The following LRRC4C variants were observed in gnomAD, a reference collection of about 807,000 sequenced individuals.
LRRC4C encodes the protein leucine-rich repeat-containing protein 4C.
LRRC4C carries 5 observed loss-of-function variants against 33.6 expected under a neutral mutation model. That is an observed-to-expected ratio of 0.15 (90% confidence interval 0.08 to 0.31). The LOEUF (loss-of-function observed/expected upper bound fraction) is 0.31. Among genes scored for constraint, LRRC4C ranks in the 10% least tolerant of loss-of-function variants. The pLI is 1.00. For synonymous variants in LRRC4C, 329 were observed against 302.0 expected, an observed-to-expected ratio of 1.09 and a Z score of -0.93; for missense variants, 560 against 796.7, an observed-to-expected ratio of 0.70 and a Z score of 3.58.
rs144766359 is a variant in LRRC4C at position 41,348,084 on chromosome 11, T to C, written c.-496+111347A>G. 2.3e-3 allele frequency among the ~76,000 whole-genome samples: 345 copies of C among 152,320 alleles called. 1 individual carries two copies. Among genetic ancestry groups the C allele is most frequent in the African/African-American group, 6.9e-3 (285 of 41,578 alleles). Reference sequence around the variant, plus strand: ...TCTTCCCTAATGACAGAACGAAAACTGTAACTCTTATCTCTCTTGAATTTC... The same window carrying C: ...TCTTCCCTAATGACAGAACGAAAACCGTAACTCTTATCTCTCTTGAATTTC... On this transcript the variant is annotated intron_variant, in intron 1 of 6. Coordinates refer to ENST00000528697, the MANE Select transcript of LRRC4C (RefSeq NM_001258419.2).
At chr11:40,385,780 T>A (rs1213198809) in intron 3 of LRRC4C, among the ~76,000 whole-genome samples, 1 of 151,630 alleles carries the variant, frequency 6.6e-6, no homozygotes, top group African/African-American at 2.4e-5. Context: ...GGCAGGAGAA[T>A]CACTTGAACA....
intron 3 of LRRC4C, among the ~76,000 whole-genome samples, chr11:40,482,408 T>A (rs1953622037): frequency 1.3e-5 from 2 of 152,144 alleles, no homozygotes; most frequent in African/African-American, 2.4e-5. Context: ...TTTCTCCTAC[T>A]GTAGAAATCA....
chr11:40,981,884 C>T (rs1055881459), intron 1 of LRRC4C, among the ~76,000 whole-genome samples: 2 of 152,126 alleles, frequency 1.3e-5, no homozygotes, highest in Non-Finnish European at 2.9e-5. Context: ...AATACAAGTC[C>T]TTCAACTTGG....
chr11:40,652,894 C>A (rs980470853), intron 2 of LRRC4C, among the ~76,000 whole-genome samples: 3 of 152,108 alleles, frequency 2.0e-5, no homozygotes, highest in African/African-American at 7.2e-5. Flanking sequence ...AGAGTGGGAC[C>A]AGGTGGAGGT....
intron 1 of LRRC4C, among the ~76,000 whole-genome samples, chr11:41,037,602 ACG>A (rs1383371571): frequency 2.7e-5 from 4 of 149,270 alleles, no homozygotes; most frequent in South Asian, 2.1e-4. Flanking sequence ...ACACACACAC[ACG>A]CACTAAGACA....
At chr11:41,229,098 C>A (rs1184013334) in intron 1 of LRRC4C, among the ~76,000 whole-genome samples, 1 of 151,934 alleles carries the variant, frequency 6.6e-6, no homozygotes, top group Non-Finnish European at 1.5e-5. Context: ...CTTAAGTCAC[C>A]TTCATGGGGG....
chr11:41,294,449 T>A (rs2137031151), intron 1 of LRRC4C, among the ~76,000 whole-genome samples: 1 of 152,258 alleles, frequency 6.6e-6, no homozygotes, highest in South Asian at 2.1e-4. Context: ...TTCCTCAACC[T>A]TAGGAAAGCA....
At chr11:40,877,324 A>C (rs1954952012) in intron 2 of LRRC4C, among the ~76,000 whole-genome samples, 1 of 152,178 alleles carries the variant, frequency 6.6e-6, no homozygotes, top group Admixed American at 6.5e-5. Context: ...AGACTTAAAT[A>C]GTTCTGCAGC....
At chr11:40,615,602 T>C (rs1961725790) in intron 3 of LRRC4C, among the ~76,000 whole-genome samples, 1 of 151,688 alleles carries the variant, frequency 6.6e-6, no homozygotes, top group Non-Finnish European at 1.5e-5. Context: ...TGAAGTGTTC[T>C]CACAGCATTA....
intron 1 of LRRC4C, among the ~76,000 whole-genome samples, chr11:41,075,313 T>C (rs1456504695): frequency 1.3e-5 from 2 of 152,014 alleles, no homozygotes; most frequent in Admixed American, 6.6e-5. Flanking sequence ...CTATTTTAAT[T>C]CCCAGATAAA....
At chr11:41,101,375 T>C (rs186034180) in intron 1 of LRRC4C, among the ~76,000 whole-genome samples, 1 of 152,146 alleles carries the variant, frequency 6.6e-6, no homozygotes, top group Admixed American at 6.6e-5. Context: ...GATATACATG[T>C]GGGCAACAAG....
intron 2 of LRRC4C, among the ~76,000 whole-genome samples, chr11:40,665,325 AATATATAT>A (rs1160594156): frequency 1.8e-3 from 24 of 13,438 alleles, no homozygotes; most frequent in African/African-American, 3.6e-3. Context: ...AAAAAAAAAA[AATATATAT>A]ATATATATAT....
At chr11:40,765,436 T>C (rs1949406634) in intron 2 of LRRC4C, among the ~76,000 whole-genome samples, 1 of 152,182 alleles carries the variant, frequency 6.6e-6, no homozygotes, top group South Asian at 2.1e-4. Context: ...ATTAAACCCC[T>C]TTTCTTTATA....
chr11:41,331,209 C>A (rs928639181), intron 1 of LRRC4C, among the ~76,000 whole-genome samples: 2 of 152,140 alleles, frequency 1.3e-5, no homozygotes, highest in African/African-American at 4.8e-5. Flanking sequence ...CAAAATATGT[C>A]CATTATGAGA....
chr11:41,146,818 T>A (rs1943747790), intron 1 of LRRC4C, among the ~76,000 whole-genome samples: 2 of 152,250 alleles, frequency 1.3e-5, no homozygotes, highest in Non-Finnish European at 2.9e-5. Flanking sequence ...TAACAAGTTG[T>A]TCTCTCTGGG....
chr11:40,449,030 G>A (rs1227840237), intron 3 of LRRC4C, among the ~76,000 whole-genome samples: 2 of 152,012 alleles, frequency 1.3e-5, no homozygotes, highest in Non-Finnish European at 2.9e-5. Context: ...TATGTTTGTT[G>A]GCTGCATAAA....
At chr11:40,314,604 T>A (rs1945483693) in intron 4 of LRRC4C, among the ~76,000 whole-genome samples, 1 of 152,138 alleles carries the variant, frequency 6.6e-6, no homozygotes, top group African/African-American at 2.4e-5. Flanking sequence ...ATTCCCTTGC[T>A]TATTGCAGTA....
At chr11:40,575,243 A>G (rs1237234825) in intron 3 of LRRC4C, among the ~76,000 whole-genome samples, 1 of 152,236 alleles carries the variant, frequency 6.6e-6, no homozygotes. Flanking sequence ...AGCGCACGTC[A>G]TGGGGTTCCC....
At chr11:40,406,582 A>T (rs1366869690) in intron 3 of LRRC4C, among the ~76,000 whole-genome samples, 1 of 152,174 alleles carries the variant, frequency 6.6e-6, no homozygotes, top group African/African-American at 2.4e-5. Context: ...TTTTAAAAAC[A>T]AATAGTTGTT....
Sources: allele counts gnomAD v4.1 joint callset (sites outside exome capture counted in the v4.1 genomes callset), GRCh38; gene constraint gnomAD v4.1.1; transcripts MANE v1.5; gene names NCBI Gene and HGNC (gene_info 2026-07-23, HGNC 2026-07-21).